Variants in CUX2 observed in about 807,000 individuals in gnomAD.
CUX2 encodes homeobox protein cut-like 2.
Under a neutral mutation model 144.8 loss-of-function variants are expected in CUX2, and 40 were observed. The observed-to-expected ratio is 0.28, with a 90% confidence interval of 0.21 to 0.36. The LOEUF (loss-of-function observed/expected upper bound fraction) is 0.36. Ranked by LOEUF, CUX2 falls within the 10% of genes least tolerant of loss-of-function variation. The probability of loss-of-function intolerance (pLI) is 1.00; values close to 1 mark genes in which losing one functional copy is unlikely to be tolerated. For missense variants in CUX2, 1,615 were observed against 1,994.0 expected (o/e 0.81, Z 3.62); for synonymous variants, 827 against 875.6 (o/e 0.94, Z 0.98).
chr12:111,308,816 G>A (rs1433068945), intron 14 of CUX2, among the ~76,000 whole-genome samples: 1 of 152,186 alleles, frequency 6.6e-6, no homozygotes, highest in Non-Finnish European at 1.5e-5. Context: ...AGTGGTCACA[G>A]GGGGACAAGC....
In CUX2 at chr12:111,322,591, G is replaced by A; in HGVS notation, c.2926+11G>A. On this transcript the variant is annotated intron_variant, in intron 18 of 21. Transcript: ENST00000261726. This position sits in a 1 kb window ranked among gnomAD's most constrained non-coding sequence, Gnocchi z 4.2. Reference sequence around the variant, plus strand: ...CTGGTGCCTCCCAGGGTGAGTGCGGGCAGGAGCATCTCAGGGGGTGCTGGC... The same window carrying A: ...CTGGTGCCTCCCAGGGTGAGTGCGGACAGGAGCATCTCAGGGGGTGCTGGC... The A allele has an allele frequency of 6.2e-7, 1 of 1,604,464 alleles. No individual in the cohort carries two copies. The highest frequency in any genetic ancestry group is 8.5e-7 in the Non-Finnish European group (1 of 1,179,366).
At chr12:111,343,888 C>A (rs1172646125) in intron 21 of CUX2, among the ~76,000 whole-genome samples, 1 of 152,124 alleles carries the variant, frequency 6.6e-6, no homozygotes, top group Non-Finnish European at 1.5e-5. Flanking sequence ...TGATGAAACC[C>A]CATCTCTACT....
intron 1 of CUX2, among the ~76,000 whole-genome samples, chr12:111,045,380 G>A (rs1243400106): frequency 1.3e-5 from 2 of 152,148 alleles, no homozygotes; most frequent in African/African-American, 4.8e-5. Context: ...TGTGTCCCAA[G>A]CTGCCTGAGG....
At chr12:111,050,029 G>A (rs959247656) in intron 1 of CUX2, among the ~76,000 whole-genome samples, 9 of 152,090 alleles carry the variant, frequency 5.9e-5, no homozygotes, top group Non-Finnish European at 1.5e-5. Context: ...AGGCAAAAGG[G>A]TATATGAAGG....
At chr12:111,162,160 A>G (rs970975557) in intron 1 of CUX2, among the ~76,000 whole-genome samples, 4 of 152,252 alleles carry the variant, frequency 2.6e-5, no homozygotes, top group African/African-American at 9.6e-5. Context: ...AGTAAGCGGC[A>G]TTGCCGGGCC....
At position 111,070,241 on chromosome 12, in the gene CUX2, A is replaced by T. The variant is rs558993605; in HGVS notation, c.63+36001A>T. Among the ~76,000 whole-genome samples the T allele has an allele frequency of 2.0e-5, 3 of 152,266 alleles. No individual in the cohort carries two copies. The South Asian group carries it at 6.2e-4, about 32-fold the overall frequency. On this transcript the variant is annotated intron_variant, in intron 1 of 21. Coordinates refer to ENST00000261726, the MANE Select transcript of CUX2 (RefSeq NM_015267.4). ...GAAGACATCCTGCCCAGCTTCAGCA[A>T]GTGGGGGTCTCTGGACAACCTTCTA...
At position 111,104,548 on chromosome 12, in the gene CUX2, C is replaced by T. The variant is rs566668906; in HGVS notation, c.63+70308C>T. On this transcript the variant is annotated intron_variant, in intron 1 of 21. Coordinates refer to ENST00000261726, the MANE Select transcript of CUX2 (RefSeq NM_015267.4). The stretch of plus-strand genomic sequence containing the variant: ...CCTGGTTCAAATTCCAGCTCTTCAC[C>T]CTCTGGCTGTGTGATGCAGGGCAAG... 1.1e-4 allele frequency among the ~76,000 whole-genome samples: 16 copies of T among 152,306 alleles called. No homozygotes were observed. The South Asian group carries it at 3.3e-3, about 32-fold the overall frequency.
chr12:111,271,125 G>A (rs1188928773), intron 4 of CUX2, among the ~76,000 whole-genome samples: 1 of 152,164 alleles, frequency 6.6e-6, no homozygotes, highest in East Asian at 1.9e-4. Context: ...ACGAGGTTCG[G>A]TCTGTTGTCA....
At chr12:111,300,672 T>C (rs1886246664) in intron 9 of CUX2, among the ~76,000 whole-genome samples, 1 of 152,148 alleles carries the variant, frequency 6.6e-6, no homozygotes, top group South Asian at 2.1e-4. Context: ...ATTTTCAACT[T>C]TGCCATTATA....
At chr12:111,303,927 G>T (rs568597895) in intron 9 of CUX2, among the ~76,000 whole-genome samples, 1 of 152,136 alleles carries the variant, frequency 6.6e-6, no homozygotes, top group Non-Finnish European at 1.5e-5. Flanking sequence ...GACTCCTCTG[G>T]GGGTCCCAGG....
intron 8 of CUX2, among the ~76,000 whole-genome samples, chr12:111,297,216 T>C (rs1886056120): frequency 6.6e-6 from 1 of 151,842 alleles, no homozygotes; most frequent in African/African-American, 2.4e-5. Flanking sequence ...CTCCTCCCTC[T>C]GATCATCCCA....
At position 111,104,913 on chromosome 12, in the gene CUX2, G is replaced by A. The variant is rs116274401; in HGVS notation, c.63+70673G>A. ...AATGTGGATGCTTCTTTTGAAGAAA[G>A]GACAGGGATAGGGAGGGGACCCTGT... is the stretch of plus-strand genomic sequence containing the variant. On this transcript the variant is annotated intron_variant, in intron 1 of 21. Transcript: ENST00000261726. Among the ~76,000 whole-genome samples, 853 of 152,272 alleles carry A rather than the reference G, an allele frequency of 5.6e-3. 6 individuals carry two copies. The highest frequency in any genetic ancestry group is 0.019 in the African/African-American group (791 of 41,538).
chr12:111,107,996 G>C (rs1055336661), intron 1 of CUX2, among the ~76,000 whole-genome samples: 3 of 152,130 alleles, frequency 2.0e-5, no homozygotes, highest in Non-Finnish European at 4.4e-5. Context: ...CGTTTTTCTG[G>C]TCCAGAGTCC....
At chr12:111,139,599 C>T (rs1876160466) in intron 1 of CUX2, among the ~76,000 whole-genome samples, 1 of 152,190 alleles carries the variant, frequency 6.6e-6, no homozygotes, top group Non-Finnish European at 1.5e-5. Flanking sequence ...AGCATCATCT[C>T]AGCCACAGCC....
At chr12:111,116,707 A>T (rs1418233592) in intron 1 of CUX2, among the ~76,000 whole-genome samples, 1 of 152,176 alleles carries the variant, frequency 6.6e-6, no homozygotes, top group Non-Finnish European at 1.5e-5. Context: ...TCTGAATTGG[A>T]TCTGGAGCTG....
At chr12:111,121,572 G>A (rs1874696735) in intron 1 of CUX2, among the ~76,000 whole-genome samples, 1 of 151,712 alleles carries the variant, frequency 6.6e-6, no homozygotes, top group African/African-American at 2.4e-5. Context: ...ATGTTGGCCA[G>A]GCTGGTCTCG....
chr12:111,164,401 C>T (rs943565324), intron 1 of CUX2, among the ~76,000 whole-genome samples: 1 of 151,710 alleles, frequency 6.6e-6, no homozygotes, highest in Non-Finnish European at 1.5e-5. Flanking sequence ...CATGGTGAAA[C>T]CCCGTCTCTA....
In CUX2 at chr12:111,338,273, C is replaced by T. The variant is rs772230292; in HGVS notation, c.3197-13C>T. On this transcript the variant is annotated splice_polypyrimidine_tract_variant and intron_variant, in intron 19 of 21. Coordinates refer to ENST00000261726, the MANE Select transcript of CUX2 (RefSeq NM_015267.4). ...GCCTCGGGTAACAGATTGCTCCCCT[C>T]CCCTATCCCCAGGGCAGCGGCTGTT... is the stretch of plus-strand genomic sequence containing the variant. The T allele has an allele frequency of 6.3e-7, 1 of 1,595,562 alleles. No individual in the cohort carries two copies. The highest frequency in any genetic ancestry group is 1.1e-5 in the South Asian group (1 of 89,176).
intron 9 of CUX2, among the ~76,000 whole-genome samples, chr12:111,300,602 C>T (rs1886243046): frequency 6.6e-6 from 1 of 152,162 alleles, no homozygotes. Flanking sequence ...GGCAAACTTT[C>T]TATAAAGAGT....
Sources: gnomAD v4.1 joint callset for allele counts (sites outside exome capture counted in the v4.1 genomes callset) on GRCh38, gnomAD v4.1.1 for gene constraint, Gnocchi (gnomAD v3.1) non-coding constraint, MANE v1.5 for transcripts, NCBI Gene and HGNC (gene_info 2026-07-23, HGNC 2026-07-21) for gene names.